The following ZNF662 variants were observed in gnomAD, a reference collection of about 807,000 sequenced individuals.
ZNF662 encodes the protein zinc finger protein 662.
A neutral mutation model predicts 12.4 loss-of-function variants in ZNF662; 14 were observed. The observed-to-expected ratio is 1.13, with a 90% confidence interval of 0.75 to 1.77. The LOEUF (loss-of-function observed/expected upper bound fraction) is 1.77. ZNF662 is among the 40% of genes most tolerant of loss of function. ZNF662 has a pLI of 0.00. For missense variants in ZNF662, 550 were observed against 515.6 expected (o/e 1.07, Z -0.65); for synonymous variants, 184 against 176.4 (o/e 1.04, Z -0.34).
In ZNF662 at chr3:42,918,143, C is replaced by T. The variant is rs1178188547; in HGVS notation, c.*2789C>T. ...AATAATAAATAGGTGGCTCTCATGA[C>T]CTAAGGTTAATTTCATGCATACTAC... On this transcript the variant is annotated 3_prime_UTR_variant, in exon 5 of 5. Coordinates refer to ENST00000440367, the MANE Select transcript of ZNF662 (RefSeq NM_207404.4). Among the ~76,000 whole-genome samples, 1 of 152,090 alleles carries T rather than the reference C, an allele frequency of 6.6e-6. No individual in the cohort carries two copies. Among genetic ancestry groups the T allele is most frequent in the Non-Finnish European group, 1.5e-5 (1 of 68,016 alleles).
Position 42,914,705 on chromosome 3 carries a change from A to G in ZNF662, c.632A>G (p.Gln211Arg). The part of the protein sequence containing the change: ...FDQNEDFDQH[Q>R]KTHNGEKVYG... ...CAAAATGAGGACTTTGATCAACACC[A>G]GAAAACTCATAATGGAGAGAAGGTC... Residue 211 changes from glutamine (Q) to arginine (R), a missense_variant, in exon 5 of 5, where the codon CAG becomes CGG. Physicochemically the swap from Gln to Arg is conservative, Grantham distance 43 (BLOSUM62 1). Coordinates refer to ENST00000440367, the MANE Select transcript of ZNF662 (RefSeq NM_207404.4). The G allele has an allele frequency of 5.0e-6, 8 of 1,614,236 alleles. No homozygotes were observed. The highest frequency in any genetic ancestry group is 6.8e-6 in the Non-Finnish European group (8 of 1,180,034).
rs370438083 is a variant in ZNF662, at chr3:42,912,696, T to TATATATATATAAATATATATATATTTA, written c.152-505_152-504insATATATATATAAATATATATATATTTA. 5.6e-4 allele frequency among the ~76,000 whole-genome samples: 24 copies of TATATATATATAAATATATATATATTTA among 42,580 alleles called. 2 individuals are homozygous for TATATATATATAAATATATATATATTTA. In the East Asian group the frequency reaches 6.2e-3, roughly 11 times the overall value. The allele number at this position is 42,580 out of a possible 152,430, so 27.9% of individuals were successfully genotyped here. ...TTATATATATAAATATATATATATT[T>TATATATATATAAATATATATATATTTA]TATATATATAAATATATATATATAT... is the stretch of plus-strand genomic sequence containing the variant. On this transcript the variant is annotated intron_variant, in intron 3 of 4. Transcript: ENST00000440367.
At chr3:42,909,741 C>T (rs113174866) in intron 3 of ZNF662, among the ~76,000 whole-genome samples, 2 of 151,932 alleles carry the variant, frequency 1.3e-5, no homozygotes, top group African/African-American at 2.4e-5. Context: ...AGGAGCTCCT[C>T]ACATCTCAGA....
At chr3:42,908,396 T>G in intron 2 of ZNF662, 1 of 1,307,086 alleles carries the variant, frequency 7.7e-7, no homozygotes, top group South Asian at 2.4e-5. Flanking sequence ...GTGGGTATAG[T>G]GAGAAGAGAG....
rs1022707005 is a variant in ZNF662 at position 42,918,446 on chromosome 3, G to A, written c.*3092G>A. Among the ~76,000 whole-genome samples, 42 of 152,200 alleles carry A rather than the reference G, an allele frequency of 2.8e-4. No individual in the cohort carries two copies. The highest frequency in any genetic ancestry group is 9.9e-4 in the African/African-American group (41 of 41,516). ...CATGAATTCCTGGTGGCTACACCCC[G>A]TTCTCCCAGTGTGCAGGCAGGCCCT... On this transcript the variant is annotated 3_prime_UTR_variant, in exon 5 of 5. Transcript: ENST00000440367.
Position 42,908,813 on chromosome 3 carries a change from C to T in ZNF662, c.55C>T (p.Pro19Ser). The T allele has an allele frequency of 6.2e-7, 1 of 1,614,104 alleles. No homozygotes were observed. The highest frequency in any genetic ancestry group is 1.3e-5 in the African/African-American group (1 of 75,042). Reference sequence around the variant, plus strand: ...TTAAGCAGCATTTCCATTTCCCAAACCGGCTCTGATTTCCCAGCTGGAGCG... The same window carrying T: ...TTAAGCAGCATTTCCATTTCCCAAATCGGCTCTGATTTCCCAGCTGGAGCG... ...ASLAAFPFPK[P>S]ALISQLERGE... Residue 19 changes from proline to serine, a missense_variant, in exon 3 of 5, where the codon CCG becomes TCG. By Grantham distance (74) the Pro-to-Ser change is moderately conservative (BLOSUM62 -1). Coordinates refer to ENST00000440367, the MANE Select transcript of ZNF662 (RefSeq NM_207404.4).
Position 42,914,749 on chromosome 3 carries a change from G to T in ZNF662, c.676G>T (p.Gly226Trp). The change falls in exon 5 of 5, where the codon GGG (glycine) becomes TGG (tryptophan). Residue 226 changes from glycine to tryptophan, a missense_variant. Gly to Trp is a radical substitution (Grantham distance 184). Coordinates refer to ENST00000440367, the MANE Select transcript of ZNF662 (RefSeq NM_207404.4). ...GEKVYGCKECGKAFSFRSHCI... is the reference protein window; with the variant it reads ...GEKVYGCKECWKAFSFRSHCI... ...GAAGGTCTATGGATGTAAGGAATGT[G>T]GGAAGGCTTTCAGTTTTCGATCACA... The T allele has an allele frequency of 1.2e-6, 2 of 1,614,144 alleles. No individual in the cohort carries two copies. Among genetic ancestry groups the T allele is most frequent in the Non-Finnish European group, 1.7e-6 (2 of 1,179,984 alleles).
chr3:42,917,302 T>G lies in ZNF662; in HGVS notation c.*1948T>G. On this transcript the variant is annotated 3_prime_UTR_variant, in exon 5 of 5. Coordinates refer to ENST00000440367, the MANE Select transcript of ZNF662 (RefSeq NM_207404.4). ...TCCCATCCCCTTGGCCACAGAGCCA[T>G]TGTGATATGAGGAGATACTGGCTCT... 1 of 572,222 alleles carries G rather than the reference T, an allele frequency of 1.7e-6. No homozygotes were observed. Among genetic ancestry groups the G allele is most frequent in the East Asian group, 2.9e-5 (1 of 34,444 alleles). 35.4% of individuals were successfully genotyped at this position (572,222 alleles called of 1,614,324 possible).
Position 42,914,323 on chromosome 3 carries a change from T to A in ZNF662, c.254-4T>A, listed in dbSNP as rs1016215523. On this transcript the variant is annotated splice_region_variant and splice_polypyrimidine_tract_variant and intron_variant, in intron 4 of 4. Coordinates refer to ENST00000440367, the MANE Select transcript of ZNF662 (RefSeq NM_207404.4). The stretch of plus-strand genomic sequence containing the variant: ...ACATTTGAAGCTCCAATTTCTTTTT[T>A]CAGAGGGTGTGTTGAAGAGGAAGAA... 2 of 1,580,746 alleles carry A rather than the reference T, an allele frequency of 1.3e-6. No homozygotes were observed. The highest frequency in any genetic ancestry group is 1.7e-6 in the Non-Finnish European group (2 of 1,168,212).
At position 42,908,921 on chromosome 3, in the gene ZNF662, C is replaced by A; in HGVS notation, c.151+12C>A. 1 of 1,575,888 alleles carries A rather than the reference C, an allele frequency of 6.3e-7. No individual in the cohort carries two copies. Among genetic ancestry groups the A allele is most frequent in the South Asian group, 1.1e-5 (1 of 89,588 alleles). On this transcript the variant is annotated intron_variant, in intron 3 of 4. Coordinates refer to ENST00000440367, the MANE Select transcript of ZNF662 (RefSeq NM_207404.4). The stretch of plus-strand genomic sequence containing the variant: ...GGGCATCTCCTCAGGTGAGTGAGGG[C>A]ACACGTGCCGGTCATCTGACCAGTT...
chr3:42,908,335 C>G (rs1212001743), intron 2 of ZNF662, 187 bp downstream of exon 2: 1 of 1,380,636 alleles, frequency 7.2e-7, no homozygotes, highest in Non-Finnish European at 9.4e-7. Flanking sequence ...GGGCCTTATA[C>G]AGGACTTCCT....
rs960429237 is a variant in ZNF662 at position 42,906,407 on chromosome 3, T to C, written c.-94+239T>C. 8.6e-6 allele frequency: 13 copies of C among 1,505,290 alleles called. No homozygotes were observed. Among genetic ancestry groups the C allele is most frequent in the Non-Finnish European group, 1.1e-5 (13 of 1,131,194 alleles). The allele number at this position is 1,505,290 out of a possible 1,614,324, so 93.2% of individuals were successfully genotyped here. On this transcript the variant is annotated intron_variant, in intron 1 of 4. Transcript: ENST00000440367. The surrounding 1 kb of genome is among the most constrained non-coding windows in gnomAD (Gnocchi z 4.4). ...CGCCTCGGCCTTGTCCTCGAGCTGCTCCCGGGACAGCCCGCGCTGCCCCGG... is the reference window on the plus strand; with the variant it reads ...CGCCTCGGCCTTGTCCTCGAGCTGCCCCCGGGACAGCCCGCGCTGCCCCGG...
intron 2 of ZNF662, chr3:42,908,386 G>T: frequency 7.6e-7 from 1 of 1,319,886 alleles, no homozygotes; most frequent in Non-Finnish European, 9.7e-7. Context: ...CCCTTGTGTT[G>T]TGGGTATAGT....
At position 42,915,411 on chromosome 3, in the gene ZNF662, C is replaced by T; in HGVS notation, c.*57C>T. 2.0e-6 allele frequency: 3 copies of T among 1,474,296 alleles called. No homozygotes were observed. 91.3% of individuals were successfully genotyped at this position (1,474,296 alleles called of 1,614,324 possible). A position where few individuals can be genotyped will look rare whatever the true frequency, so the allele number is the denominator to read the frequency against. ...TCTTATGCTGCAGGAACCCTAGAGACAAAATGAGATGACCATTCACAATTT... is the reference window on the plus strand; with the variant it reads ...TCTTATGCTGCAGGAACCCTAGAGATAAAATGAGATGACCATTCACAATTT... On this transcript the variant is annotated 3_prime_UTR_variant, in exon 5 of 5. Transcript: ENST00000440367.
chr3:42,912,719 TA>T (rs1174101034), intron 3 of ZNF662, among the ~76,000 whole-genome samples: 11,823 of 88,376 alleles, frequency 0.13, 1,816 homozygotes, highest in Non-Finnish European at 0.16. Context: ...TATATATATA[TA>T]TTTTTTATAT....
Position 42,914,951 on chromosome 3 carries a change from A to G in ZNF662, c.878A>G (p.Gln293Arg). The change falls in exon 5 of 5, where the codon CAA becomes CGA. Residue 293 changes from glutamine to arginine, a missense_variant. By Grantham distance (43) the Gln-to-Arg change is conservative (BLOSUM62 1). Transcript: ENST00000440367. ...KGFSQNTSLT[Q>R]HQRIHTGEKP... ...TTTAGTCAGAACACAAGCCTTACGC[A>G]ACATCAACGGATCCACACTGGTGAG... 2 of 1,614,048 alleles carry G rather than the reference A, an allele frequency of 1.2e-6. No individual in the cohort carries two copies. Among genetic ancestry groups the G allele is most frequent in the Non-Finnish European group, 1.7e-6 (2 of 1,180,006 alleles).
rs1206568346 is a variant in ZNF662 at position 42,917,816 on chromosome 3, G to C, written c.*2462G>C. 1.3e-5 allele frequency among the ~76,000 whole-genome samples: 2 copies of C among 152,134 alleles called. No individual in the cohort carries two copies. Among genetic ancestry groups the C allele is most frequent in the Non-Finnish European group, 2.9e-5 (2 of 68,018 alleles). ...TGCTTGGAAGTTGAGCATCTAAATA[G>C]GTGGCTTTTGCTGGGTGCAGTGGCT... On this transcript the variant is annotated 3_prime_UTR_variant, in exon 5 of 5. Coordinates refer to ENST00000440367, the MANE Select transcript of ZNF662 (RefSeq NM_207404.4).
In ZNF662 at chr3:42,915,228, A is replaced by T; in HGVS notation, c.1155A>T (p.Glu385Asp). 1 of 1,613,734 alleles carries T rather than the reference A, an allele frequency of 6.2e-7. No homozygotes were observed. The highest frequency in any genetic ancestry group is 8.5e-7 in the Non-Finnish European group (1 of 1,179,894). Residue 385 changes from glutamate to aspartate, a missense_variant, in exon 5 of 5, where the codon GAA becomes GAT. By Grantham distance (45) the Glu-to-Asp change is conservative. Coordinates refer to ENST00000440367, the MANE Select transcript of ZNF662 (RefSeq NM_207404.4). ...GACATCAAAGAATCCATACTGGGGA[A>T]AGACCCTATAAATGTAATGACTGTG... ...LIRHQRIHTG[E>D]RPYKCNDCGK... is the part of the protein sequence containing the mutation.
rs1452297403 is a variant in ZNF662 at position 42,913,273 on chromosome 3, A to C, written c.224A>C (p.Gln75Pro). The change falls in exon 4 of 5, where the codon CAA (glutamine) becomes CCA (proline). Residue 75 changes from glutamine to proline, a missense_variant. Coordinates refer to ENST00000440367, the MANE Select transcript of ZNF662 (RefSeq NM_207404.4). ...QVEEPLNLKLQGEGPSLICPE... is the reference protein window; with the variant it reads ...QVEEPLNLKLPGEGPSLICPE... ...GAAGAGCCATTAAACCTGAAACTGC[A>C]AGGAGAGGGTCCAAGCCTGATTTGT... 1.2e-6 allele frequency: 2 copies of C among 1,613,946 alleles called. No homozygotes were observed. The highest frequency in any genetic ancestry group is 1.7e-6 in the Non-Finnish European group (2 of 1,179,882).
Sources: gnomAD v4.1 joint callset for allele counts (sites outside exome capture counted in the v4.1 genomes callset) on GRCh38, gnomAD v4.1.1 for gene constraint, Gnocchi (gnomAD v3.1) non-coding constraint, MANE v1.5 for transcripts, NCBI Gene and HGNC (gene_info 2026-07-23, HGNC 2026-07-21) for gene names.